Variants in MED14 observed in about 807,000 individuals in gnomAD.
MED14 encodes the protein mediator complex subunit 14.
In MED14, 8 loss-of-function variants were observed where a neutral mutation model predicts 109.0. The observed-to-expected ratio is 0.07, with a 90% CI of 0.04 to 0.13. The LOEUF (loss-of-function observed/expected upper bound fraction) is 0.13. Ranked by LOEUF, MED14 falls within the 10% of genes least tolerant of loss-of-function variation. The probability of loss-of-function intolerance (pLI) is 1.00; values close to 1 mark genes in which losing one functional copy is unlikely to be tolerated. For missense variants in MED14, 711 were observed against 1,142.4 expected (o/e 0.62, Z 5.44); for synonymous variants, 399 against 408.7 (o/e 0.98, Z 0.29).
intron 10 of MED14, among the ~76,000 whole-genome samples, chrX:40,704,420 G>C (rs924000121): frequency 2.7e-5 from 3 of 111,216 alleles, no homozygotes; most frequent in Admixed American, 1.9e-4. Flanking sequence ...CAGGTGCTCG[G>C]AAGGAGAGGT....
chrX:40,670,871 CT>C (rs1192065772), intron 23 of MED14, among the ~76,000 whole-genome samples: 1 of 112,048 alleles, frequency 8.9e-6, no homozygotes, highest in African/African-American at 3.2e-5. Flanking sequence ...GGGTTTGCTA[CT>C]TAAAAAATTA....
At chrX:40,690,643 G>A (rs1424267396) in intron 15 of MED14, among the ~76,000 whole-genome samples, 1 of 111,143 alleles carries the variant, frequency 9.0e-6, no homozygotes, top group Non-Finnish European at 1.9e-5. Flanking sequence ...TCAAATTCCT[G>A]ACCTCAGGTG....
chrX:40,703,462 A>G lies in MED14; in HGVS notation c.1393T>C (p.Leu465=), dbSNP rs187462282. The G allele has an allele frequency of 2.5e-6, 3 of 1,196,216 alleles. No individual in the cohort carries two copies. Among genetic ancestry groups the G allele is most frequent in the South Asian group, 1.8e-5 (1 of 55,868 alleles). The change falls in exon 11 of 31, where the codon TTG becomes CTG. Residue 465 remains leucine (L), a synonymous_variant. Coordinates refer to ENST00000324817, the MANE Select transcript of MED14 (RefSeq NM_004229.4). ...FVDLHSGMFQ[L]MLYGLDQATL... ...AACTTACCAAGTCCATAAAGCATCA[A>G]TTGAAACATTCCAGAATGTAAATCT... is the stretch of plus-strand genomic sequence containing the variant.
At chrX:40,726,718 A>G in intron 3 of MED14, 28 bp downstream of exon 3, 2 of 1,119,816 alleles carry the variant, frequency 1.8e-6, no homozygotes, top group Non-Finnish European at 2.4e-6. Context: ...GTTATTTTAT[A>G]CAAAGTAAAA....
At chrX:40,705,960 C>T (rs938000911) in intron 10 of MED14, among the ~76,000 whole-genome samples, 5 of 111,517 alleles carry the variant, frequency 4.5e-5, no homozygotes, top group Non-Finnish European at 3.8e-5. Flanking sequence ...CCTCCTCTCC[C>T]CTAAACCATT....
At chrX:40,725,126 C>T (rs1602494731) in intron 3 of MED14, among the ~76,000 whole-genome samples, 1 of 111,614 alleles carries the variant, frequency 9.0e-6, no homozygotes, top group African/African-American at 3.3e-5. Flanking sequence ...AAATTCAAAA[C>T]CCGAATAGAC....
intron 12 of MED14, among the ~76,000 whole-genome samples, chrX:40,700,421 T>C (rs1930891804): frequency 9.6e-6 from 1 of 104,435 alleles, no homozygotes; most frequent in Non-Finnish European, 2.0e-5. Flanking sequence ...AAACATTACT[T>C]GGTTATATTG....
At chrX:40,672,768 TTTA>T (rs1423353270) in intron 22 of MED14, among the ~76,000 whole-genome samples, 17 of 111,392 alleles carry the variant, frequency 1.5e-4, no homozygotes, top group Non-Finnish European at 3.0e-4. Flanking sequence ...ACTTTTTTTT[TTTA>T]TTGATTCTTT....
chrX:40,667,155 T>C (rs913206775), intron 23 of MED14, among the ~76,000 whole-genome samples: 1 of 111,831 alleles, frequency 8.9e-6, no homozygotes, highest in Non-Finnish European at 1.9e-5. Context: ...GTTTCAGGCA[T>C]TGGGGATGCA....
rs1235521410 is a variant in MED14 at position 40,651,610 on chromosome X, C to G, written c.*196G>C. The G allele has an allele frequency of 3.9e-6, 4 of 1,013,179 alleles. No homozygotes were observed. The African/African-American group carries it at 8.0e-5, about 20-fold the overall frequency. 83.5% of individuals were successfully genotyped at this position (1,013,179 alleles called of 1,213,427 possible). A position where few individuals can be genotyped will look rare whatever the true frequency, so the allele number is the denominator to read the frequency against. ...TTGAAATGTGTCCCATTTAAACACACTATACAAGTTCATTATACAAAAGAT... is the reference window on the plus strand; with the variant it reads ...TTGAAATGTGTCCCATTTAAACACAGTATACAAGTTCATTATACAAAAGAT... On this transcript the variant is annotated 3_prime_UTR_variant, in exon 31 of 31. Transcript: ENST00000324817.
chrX:40,707,661 G>A (rs1174064550), intron 10 of MED14, among the ~76,000 whole-genome samples: 2 of 112,321 alleles, frequency 1.8e-5, no homozygotes, highest in African/African-American at 6.5e-5. Context: ...AAAACAGTAT[G>A]TAAGAGACCA....
chrX:40,697,089 G>C lies in MED14; in HGVS notation c.1585C>G (p.Pro529Ala). The change falls in exon 13 of 31, where the codon CCT becomes GCT. Residue 529 changes from proline (P) to alanine (A), a missense_variant. By Grantham distance (27) the Pro-to-Ala change is conservative. Around this residue, in one of 8 missense-constraint regions of MED14, gnomAD observed 388 missense variants for 517.3 expected, o/e 0.75. Transcript: ENST00000324817. ...TTATTCTTAGAAAGGTTTCCAATAGGATGAGTTGAGTAATTGGAAAGCTGC... is the reference window on the plus strand; with the variant it reads ...TTATTCTTAGAAAGGTTTCCAATAGCATGAGTTGAGTAATTGGAAAGCTGC... ...TLQLSNYSTHPIGNLSKNKLF... is the reference protein window; with the variant it reads ...TLQLSNYSTHAIGNLSKNKLF... 1 of 1,188,854 alleles carries C rather than the reference G, an allele frequency of 8.4e-7. No individual in the cohort carries two copies. Among genetic ancestry groups the C allele is most frequent in the East Asian group, 3.0e-5 (1 of 33,743 alleles).
rs748528243 is a variant in MED14, at chrX:40,651,145, G to A, written c.*661C>T. On this transcript the variant is annotated 3_prime_UTR_variant, in exon 31 of 31. Transcript: ENST00000324817. Reference sequence around the variant, plus strand: ...ATATTAACCTTGACATAAAGAAGATGTTTTTGGTCAAATTTCAGACATGTA... The same window carrying A: ...ATATTAACCTTGACATAAAGAAGATATTTTTGGTCAAATTTCAGACATGTA... 67 of 749,434 alleles carry A rather than the reference G, an allele frequency of 8.9e-5. No homozygotes were observed. The highest frequency in any genetic ancestry group is 1.8e-4 in the Admixed American group (2 of 11,402). 61.8% of individuals were successfully genotyped at this position (749,434 alleles called of 1,213,427 possible). A position where few individuals can be genotyped will look rare whatever the true frequency, so the allele number is the denominator to read the frequency against.
chrX:40,735,436 G>A lies in MED14; in HGVS notation c.-24C>T, dbSNP rs968096198. On this transcript the variant is annotated 5_prime_UTR_variant, in exon 1 of 31. Transcript: ENST00000324817. ...ATGGCGGCGCAGGACCGGGCTTGGC[G>A]CAACGGCACACGATGCGGTCCTCGA... 1.6e-5 allele frequency: 18 copies of A among 1,110,286 alleles called. No homozygotes were observed. The African/African-American group carries it at 2.6e-4, about 16-fold the overall frequency. The allele number at this position is 1,110,286 out of a possible 1,213,427, so 91.5% of individuals were successfully genotyped here.
intron 3 of MED14, among the ~76,000 whole-genome samples, chrX:40,721,230 T>A (rs1281418404): frequency 9.0e-6 from 1 of 111,099 alleles, no homozygotes; most frequent in African/African-American, 3.3e-5. Flanking sequence ...TTGGACTGCA[T>A]TTTTGGACCT....
chrX:40,681,731 A>G (rs752929571), intron 19 of MED14, 121 bp downstream of exon 19: 3 of 411,420 alleles, frequency 7.3e-6, no homozygotes, highest in Middle Eastern at 6.6e-4. Flanking sequence ...TTTAAAATTT[A>G]CCATTTTATC....
chrX:40,730,844 A>G (rs1249590349), intron 1 of MED14, among the ~76,000 whole-genome samples: 3 of 76,022 alleles, frequency 3.9e-5, no homozygotes, highest in Non-Finnish European at 7.2e-5. Context: ...TTTAAAAAAA[A>G]GGGGGCGGGG....
intron 11 of MED14, among the ~76,000 whole-genome samples, chrX:40,702,281 T>C (rs1483784678): frequency 8.9e-6 from 1 of 112,070 alleles, no homozygotes; most frequent in Non-Finnish European, 1.9e-5. Flanking sequence ...TTTTGTGTGT[T>C]TAAGTTTTTT....
rs1038632542 is a variant in MED14 at position 40,724,885 on chromosome X, A to G, written c.348+1861T>C. 7.2e-5 allele frequency among the ~76,000 whole-genome samples: 8 copies of G among 111,531 alleles called. 1 individual carries two copies. In the Admixed American group the frequency reaches 7.6e-4, roughly 11 times the overall value. Reference sequence around the variant, plus strand: ...AATGAAACAAGAAGCTGGTTTTCTGAAAAAATGAACAAAATTGACAAACCT... The same window carrying G: ...AATGAAACAAGAAGCTGGTTTTCTGGAAAAATGAACAAAATTGACAAACCT... On this transcript the variant is annotated intron_variant, in intron 3 of 30. Transcript: ENST00000324817.
Sources: allele counts gnomAD v4.1 joint callset (sites outside exome capture counted in the v4.1 genomes callset), GRCh38; gene constraint gnomAD v4.1.1; regional missense constraint gnomAD v4.1.1; transcripts MANE v1.5; gene names NCBI Gene and HGNC (gene_info 2026-07-23, HGNC 2026-07-21).